The following ACAD10 variants were observed in gnomAD, a reference collection of about 807,000 sequenced individuals.
ACAD10 encodes the protein ACAD-10.
Under a neutral mutation model 116.8 loss-of-function variants are expected in ACAD10, and 112 were observed. That is an observed-to-expected ratio of 0.96 (90% CI 0.82 to 1.12). The LOEUF (loss-of-function observed/expected upper bound fraction) is 1.12, where lower values mean the gene tolerates loss of function less well. ACAD10 is among the 50% of genes most tolerant of loss of function. ACAD10 has a pLI of 0.00. For synonymous variants in ACAD10, 486 were observed against 510.6 expected, an observed-to-expected ratio of 0.95 and a Z score of 0.65; for missense variants, 1,259 against 1,350.2, an observed-to-expected ratio of 0.93 and a Z score of 1.06.
intron 3 of ACAD10, 92 bp downstream of exon 3, chr12:111,702,402 T>C (rs1192029451): frequency 1.3e-6 from 2 of 1,496,118 alleles, no homozygotes; most frequent in South Asian, 1.3e-5. Flanking sequence ...AAACTGAAAA[T>C]AAAGTGAAAC....
At chr12:111,696,942 G>A (rs781067062) in intron 2 of ACAD10, among the ~76,000 whole-genome samples, 28 of 152,084 alleles carry the variant, frequency 1.8e-4, no homozygotes, top group Non-Finnish European at 3.8e-4. Context: ...TTAGCCAGGC[G>A]TGGTGGCAGG....
At chr12:111,723,790 T>C (rs658051) in intron 8 of ACAD10, among the ~76,000 whole-genome samples, 40,738 of 145,540 alleles carry the variant, frequency 0.28, 7,343 homozygotes, top group East Asian at 0.9. Context: ...ACTTCTCAGA[T>C]GGGGCGGCTG....
intron 12 of ACAD10, among the ~76,000 whole-genome samples, chr12:111,744,123 C>T (rs192869799): frequency 2.0e-4 from 30 of 152,236 alleles, no homozygotes; most frequent in Non-Finnish European, 2.4e-4. Context: ...AAGAAAGAGA[C>T]GCTGTGAGAG....
At position 111,753,817 on chromosome 12, in the gene ACAD10, A is replaced by G. The variant is rs1464105400; in HGVS notation, c.2863A>G (p.Thr955Ala). The change falls in exon 19 of 21, where the codon ACA becomes GCA. Residue 955 changes from threonine (T) to alanine (A), a missense_variant. Transcript: ENST00000313698. The part of the protein sequence containing the change: ...AFGKPLVEQG[T>A]VLADIAQSRV... Reference sequence around the variant, plus strand: ...TGGGAAGCCCCTGGTGGAGCAGGGCACAGTGCTGGCGGACATCGCGCAGTC... The same window carrying G: ...TGGGAAGCCCCTGGTGGAGCAGGGCGCAGTGCTGGCGGACATCGCGCAGTC... 1 of 1,614,032 alleles carries G rather than the reference A, an allele frequency of 6.2e-7. No homozygotes were observed. Among genetic ancestry groups the G allele is most frequent in the East Asian group, 2.2e-5 (1 of 44,882 alleles).
intron 4 of ACAD10, 129 bp from the exon 5 acceptor site, chr12:111,709,397 T>A: frequency 5.1e-6 from 4 of 788,092 alleles, no homozygotes; most frequent in Non-Finnish European, 7.5e-6. Context: ...ATCATAACAC[T>A]CTTAAATTAC....
At chr12:111,723,461 C>G (rs533831391) in intron 8 of ACAD10, among the ~76,000 whole-genome samples, 2 of 126,274 alleles carry the variant, frequency 1.6e-5, no homozygotes, top group Admixed American at 1.5e-4. Context: ...GCTGGCCGGG[C>G]GGGGGGCTGA....
Position 111,756,804 on chromosome 12 carries a change from G to T in ACAD10, c.*331G>T, listed in dbSNP as rs1295712455. ...TCAGCCTTTCAGTCCCTCTCTCTCTGCCTGTGGGAATCTGGACACATTTTG... is the reference window on the plus strand; with the variant it reads ...TCAGCCTTTCAGTCCCTCTCTCTCTTCCTGTGGGAATCTGGACACATTTTG... On this transcript the variant is annotated 3_prime_UTR_variant, in exon 21 of 21. Transcript: ENST00000313698. The T allele has an allele frequency of 4.1e-6, 2 of 492,406 alleles. No individual in the cohort carries two copies. Among genetic ancestry groups the T allele is most frequent in the South Asian group, 3.1e-5 (2 of 64,860 alleles). 30.5% of individuals were successfully genotyped at this position (492,406 alleles called of 1,614,324 possible).
At chr12:111,736,553 C>A (rs533183603) in intron 11 of ACAD10, among the ~76,000 whole-genome samples, 2 of 152,268 alleles carry the variant, frequency 1.3e-5, no homozygotes, top group South Asian at 4.1e-4. Context: ...ATGCATCCAC[C>A]CTTAACTGTG....
At chr12:111,724,855 G>A (rs554962865) in intron 8 of ACAD10, among the ~76,000 whole-genome samples, 80 of 151,218 alleles carry the variant, frequency 5.3e-4, no homozygotes, top group Middle Eastern at 3.4e-3. Context: ...GAGGGAGACC[G>A]TGGAAAGAGA....
chr12:111,743,367 C>G lies in ACAD10; in HGVS notation c.1715-1276C>G, dbSNP rs192033870. Among the ~76,000 whole-genome samples, 30 of 147,750 alleles carry G rather than the reference C, an allele frequency of 2.0e-4. No individual in the cohort carries two copies. The East Asian group carries it at 4.3e-3, about 21-fold the overall frequency. On this transcript the variant is annotated intron_variant, in intron 12 of 20. Transcript: ENST00000313698. ...GAAATTTCCAGATGATGGAAATATT[C>G]TGTTTTTTTTTTTTTTTTTGAAATG...
At chr12:111,695,021 C>G (rs1306337573) in intron 2 of ACAD10, among the ~76,000 whole-genome samples, 1 of 152,152 alleles carries the variant, frequency 6.6e-6, no homozygotes, top group Non-Finnish European at 1.5e-5. Flanking sequence ...AAGTGAGACC[C>G]TGTCACAAAA....
rs147820203 is a variant in ACAD10, at chr12:111,687,762, G to A, written c.-14+1523G>A. Among the ~76,000 whole-genome samples the A allele has an allele frequency of 1.4e-3, 207 of 152,322 alleles. 1 individual carries two copies. The highest frequency in any genetic ancestry group is 4.8e-3 in the African/African-American group (200 of 41,552). ...AGGAGTAACCTGAGGCTTGGAGGAA[G>A]AGTAACTGGCTCAGGATTTCACAGG... On this transcript the variant is annotated intron_variant, in intron 1 of 20. Transcript: ENST00000313698.
At chr12:111,703,083 CAAAA>C (rs1205550152) in intron 3 of ACAD10, among the ~76,000 whole-genome samples, 2 of 78,252 alleles carry the variant, frequency 2.6e-5, no homozygotes. Flanking sequence ...GACTCTGTCT[CAAAA>C]AAAAAAAAAA....
chr12:111,741,494 C>T (rs1347422481), intron 12 of ACAD10, among the ~76,000 whole-genome samples: 2 of 152,162 alleles, frequency 1.3e-5, no homozygotes, highest in African/African-American at 2.4e-5. Context: ...TGTGAGCCAT[C>T]GTTGTGGCTT....
At chr12:111,687,000 T>C (rs796065936) in intron 1 of ACAD10, among the ~76,000 whole-genome samples, 19 of 152,318 alleles carry the variant, frequency 1.2e-4, no homozygotes, top group African/African-American at 4.6e-4. Flanking sequence ...TGGAATTATG[T>C]ATATGGAGAT....
intron 2 of ACAD10, 130 bp downstream of exon 2, chr12:111,693,026 C>T: frequency 6.8e-6 from 7 of 1,034,924 alleles, no homozygotes; most frequent in East Asian, 2.6e-5. Flanking sequence ...GCTCTCGAGT[C>T]GAATTCCAAG....
At chr12:111,721,543 G>A (rs1225091157) in intron 7 of ACAD10, 128 bp from the exon 8 acceptor site, 1 of 793,426 alleles carries the variant, frequency 1.3e-6, no homozygotes, top group African/African-American at 1.7e-5. Context: ...ACTCCAGCCT[G>A]GGTAACAGAG....
chr12:111,723,134 G>A (rs1212656378), intron 8 of ACAD10, among the ~76,000 whole-genome samples: 4 of 146,564 alleles, frequency 2.7e-5, no homozygotes, highest in African/African-American at 7.6e-5. Flanking sequence ...GCGGCTAGCC[G>A]GGCGGGGGGC....
intron 8 of ACAD10, among the ~76,000 whole-genome samples, chr12:111,723,122 G>A (rs1312764772): frequency 6.8e-6 from 1 of 146,812 alleles, no homozygotes; most frequent in Non-Finnish European, 1.5e-5. Context: ...CTCCCAGACG[G>A]GGCGGCTAGC....
Sources: gnomAD v4.1 joint callset for allele counts (sites outside exome capture counted in the v4.1 genomes callset) on GRCh38, gnomAD v4.1.1 for gene constraint, MANE v1.5 for transcripts, NCBI Gene and HGNC (gene_info 2026-07-23, HGNC 2026-07-21) for gene names.